NBAS: variants seen among roughly 807,000 people sequenced by gnomAD.
The protein encoded by NBAS is NBAS subunit of NRZ tethering complex, also known as NAG/BC035112 fusion.
NBAS carries 219 observed loss-of-function variants against 302.5 expected under a neutral mutation model. The observed-to-expected ratio is 0.72, with a 90% confidence interval of 0.65 to 0.81. The LOEUF (loss-of-function observed/expected upper bound fraction) is 0.81, where lower values mean the gene tolerates loss of function less well. Among genes scored for constraint, NBAS ranks in the 30% least tolerant of loss-of-function variants. The pLI, the probability that NBAS is intolerant of heterozygous loss-of-function variation, is 0.00. For synonymous variants in NBAS, 1,118 were observed against 1,021.6 expected (o/e 1.09, Z -1.80); for missense variants, 2,932 against 2,841.6 (o/e 1.03, Z -0.72).
rs939591145 is a variant in NBAS at position 15,462,471 on chromosome 2, A to G, written c.2098-680T>C. Among the ~76,000 whole-genome samples the G allele has an allele frequency of 2.6e-5, 4 of 152,198 alleles. No homozygotes were observed. The East Asian group carries it at 7.7e-4, about 29-fold the overall frequency. On this transcript the variant is annotated intron_variant, in intron 19 of 51. Coordinates refer to ENST00000281513, the MANE Select transcript of NBAS (RefSeq NM_015909.4). Reference sequence around the variant, plus strand: ...TACTACAACGTATGACTTAGGGCTCATGTCTGCCATGTTTAATACTGAATC... The same window carrying G: ...TACTACAACGTATGACTTAGGGCTCGTGTCTGCCATGTTTAATACTGAATC...
intron 12 of NBAS, among the ~76,000 whole-genome samples, chr2:15,487,431 G>C (rs1015433566): frequency 4.6e-5 from 7 of 152,068 alleles, no homozygotes; most frequent in African/African-American, 1.7e-4. Flanking sequence ...GACCCTGCTG[G>C]ACCCACCTAT....
the NBAS span, among the ~76,000 whole-genome samples, chr2:14,906,498 G>A: frequency 2.6e-5 from 4 of 152,136 alleles, no homozygotes; most frequent in African/African-American, 7.2e-5. Context: ...ATGTGAACCC[G>A]AATTCAAAGG....
At chr2:14,801,374 CTT>C in the NBAS span, among the ~76,000 whole-genome samples, 1 of 151,842 alleles carries the variant, frequency 6.6e-6, no homozygotes, top group Admixed American at 6.6e-5. Context: ...TTGTGTTTCA[CTT>C]TGTTTATATT....
the NBAS span, among the ~76,000 whole-genome samples, chr2:14,783,318 T>TTTA: frequency 1.3e-3 from 198 of 151,618 alleles, 2 homozygotes; most frequent in Non-Finnish European, 2.1e-3. Flanking sequence ...AATTCTTTTT[T>TTTA]TTATTATTAT....
At chr2:14,825,835 G>T in the NBAS span, among the ~76,000 whole-genome samples, 1 of 152,180 alleles carries the variant, frequency 6.6e-6, no homozygotes, top group Non-Finnish European at 1.5e-5. Context: ...ACTAGGCTGG[G>T]TGTCAGTAGG....
chr2:14,979,995 C>A, the NBAS span, among the ~76,000 whole-genome samples: 2 of 152,172 alleles, frequency 1.3e-5, no homozygotes, highest in Non-Finnish European at 2.9e-5. Context: ...AAAACTAAAA[C>A]TTCACAAGGT....
the NBAS span, among the ~76,000 whole-genome samples, chr2:14,874,945 C>T: frequency 6.6e-6 from 1 of 151,894 alleles, no homozygotes; most frequent in Non-Finnish European, 1.5e-5. Context: ...TTTGACAAAA[C>T]TCAACATTCA....
chr2:14,849,872 G>T, the NBAS span, among the ~76,000 whole-genome samples: 13 of 137,038 alleles, frequency 9.5e-5, 2 homozygotes, highest in African/African-American at 4.4e-4. Flanking sequence ...TTACAGACAA[G>T]CAAATGCTGA....
the NBAS span, among the ~76,000 whole-genome samples, chr2:14,792,231 C>T: frequency 6.6e-6 from 1 of 152,158 alleles, no homozygotes; most frequent in Non-Finnish European, 1.5e-5. Flanking sequence ...CCTCGACTTA[C>T]AATGGGGTTA....
chr2:15,000,034 T>C, the NBAS span, among the ~76,000 whole-genome samples: 53,832 of 152,100 alleles, frequency 0.35, 10,270 homozygotes, highest in Non-Finnish European at 0.43. Context: ...GCCAAGTTCA[T>C]ATACAACTTG....
intron 47 of NBAS, among the ~76,000 whole-genome samples, chr2:15,219,854 G>A (rs1393115713): frequency 5.0e-5 from 7 of 139,926 alleles, no homozygotes; most frequent in Non-Finnish European, 6.2e-5. Flanking sequence ...CCTCCCAGAC[G>A]GGGTCGTGGC....
At chr2:15,270,666 A>G (rs1669277917) in intron 44 of NBAS, among the ~76,000 whole-genome samples, 1 of 152,150 alleles carries the variant, frequency 6.6e-6, no homozygotes, top group African/African-American at 2.4e-5. Flanking sequence ...AATAAGAGAT[A>G]AAAGGCACCA....
chr2:15,163,921 C>G (rs897580476), downstream of NBAS, among the ~76,000 whole-genome samples: 1 of 152,040 alleles, frequency 6.6e-6, no homozygotes, highest in Non-Finnish European at 1.5e-5. Flanking sequence ...CTCAGCCTCC[C>G]GAGTAGCTGG....
chr2:14,895,509 C>T, the NBAS span, among the ~76,000 whole-genome samples: 6 of 152,114 alleles, frequency 3.9e-5, no homozygotes, highest in South Asian at 2.1e-4. Context: ...GAGGAAAAGG[C>T]GGGTGGATCA....
intron 45 of NBAS, among the ~76,000 whole-genome samples, chr2:15,235,572 C>A (rs1019575713): frequency 6.6e-6 from 1 of 152,086 alleles, no homozygotes; most frequent in Non-Finnish European, 1.5e-5. Context: ...CTGAATATAA[C>A]TGAATATTTG....
the NBAS span, among the ~76,000 whole-genome samples, chr2:14,976,844 A>G: frequency 6.6e-6 from 1 of 152,332 alleles, no homozygotes; most frequent in East Asian, 1.9e-4. Flanking sequence ...TACAGCCACC[A>G]GAAACTGGAA....
At chr2:15,550,707 C>A (rs1664341382) in intron 6 of NBAS, among the ~76,000 whole-genome samples, 1 of 152,032 alleles carries the variant, frequency 6.6e-6, no homozygotes, top group South Asian at 2.1e-4. Flanking sequence ...CTGCCTCGGC[C>A]TCCCAAGTAG....
intron 21 of NBAS, among the ~76,000 whole-genome samples, chr2:15,460,675 A>G (rs112120390): frequency 6.6e-6 from 1 of 152,338 alleles, no homozygotes; most frequent in Non-Finnish European, 1.5e-5. Flanking sequence ...CTTTGACACT[A>G]TATCACATGC....
intron 48 of NBAS, among the ~76,000 whole-genome samples, chr2:15,208,316 T>TG (rs966869596): frequency 2.0e-5 from 3 of 152,140 alleles, no homozygotes; most frequent in Non-Finnish European, 4.4e-5. Flanking sequence ...GAGAACAGTA[T>TG]GGGGGAAAGT....
Sources: gnomAD v4.1 joint callset for allele counts (sites outside exome capture counted in the v4.1 genomes callset) on GRCh38, gnomAD v4.1.1 for gene constraint, MANE v1.5 for transcripts, NCBI Gene and HGNC (gene_info 2026-07-23, HGNC 2026-07-21) for gene names.